Variants in MYH9 observed in about 807,000 individuals in gnomAD.
MYH9 encodes the protein myosin heavy chain 9, also known as myosin-9.
In MYH9, 29 loss-of-function variants were observed where a neutral mutation model predicts 241.9. The observed-to-expected ratio is 0.12, with a 90% CI of 0.09 to 0.16. MYH9 has a LOEUF of 0.16. MYH9 is among the 10% of genes least tolerant of loss of function. The pLI is 1.00. For missense variants in MYH9, 1,803 were observed against 2,595.5 expected, an observed-to-expected ratio of 0.69 and a Z score of 6.63; for synonymous variants, 1,047 against 1,062.6, an observed-to-expected ratio of 0.99 and a Z score of 0.29.
intron 5 of MYH9, among the ~76,000 whole-genome samples, chr22:36,325,569 G>A (rs923483791): frequency 6.6e-6 from 1 of 152,238 alleles, no homozygotes; most frequent in Non-Finnish European, 1.5e-5. Flanking sequence ...ACTCCAACGT[G>A]AGAACTCCCC....
At position 36,364,361 on chromosome 22, in the gene MYH9, G is replaced by A. The variant is rs2017977987; in HGVS notation, c.-19-15106C>T. Reference sequence around the variant, plus strand: ...ATGGGAGGTGCTGAACTAAAGTCATGGGAGAGGCTCCCATCTTCCCAAAGG... The same window carrying A: ...ATGGGAGGTGCTGAACTAAAGTCATAGGAGAGGCTCCCATCTTCCCAAAGG... On this transcript the variant is annotated intron_variant, in intron 1 of 40. Transcript: ENST00000216181. Among the ~76,000 whole-genome samples the A allele has an allele frequency of 2.0e-5, 3 of 152,270 alleles. No individual in the cohort carries two copies. The South Asian group carries it at 6.2e-4, about 32-fold the overall frequency.
At chr22:36,294,808 G>T in intron 27 of MYH9, 124 bp downstream of exon 27, 3 of 1,336,356 alleles carry the variant, frequency 2.2e-6, no homozygotes, top group Non-Finnish European at 3.2e-6. Context: ...TAGAAGGGGA[G>T]CCTGGCCTCA....
At chr22:36,284,723 G>A (rs1354562834) in intron 38 of MYH9, among the ~76,000 whole-genome samples, 2 of 152,180 alleles carry the variant, frequency 1.3e-5, no homozygotes, top group Non-Finnish European at 2.9e-5. Context: ...TCAGGTAAGG[G>A]AAGCGACACA....
Position 36,301,766 on chromosome 22 carries a change from A to G in MYH9, c.2500-101T>C, listed in dbSNP as rs924976789. Reference sequence around the variant, plus strand: ...CCTCACCTCTGGAAACATGAAAGTGAGGGGCAAGAAGACACGCTGTGGTGG... The same window carrying G: ...CCTCACCTCTGGAAACATGAAAGTGGGGGGCAAGAAGACACGCTGTGGTGG... On this transcript the variant is annotated intron_variant, in intron 20 of 40. Coordinates refer to ENST00000216181, the MANE Select transcript of MYH9 (RefSeq NM_002473.6). 7 of 1,504,094 alleles carry G rather than the reference A, an allele frequency of 4.7e-6. No individual in the cohort carries two copies. In the East Asian group the frequency reaches 1.6e-4, roughly 35 times the overall value. The allele number at this position is 1,504,094 out of a possible 1,614,324, so 93.2% of individuals were successfully genotyped here.
intron 3 of MYH9, among the ~76,000 whole-genome samples, chr22:36,340,030 G>T (rs1603483838): frequency 6.6e-6 from 1 of 152,226 alleles, no homozygotes; most frequent in East Asian, 1.9e-4. Context: ...CAGGCAGATG[G>T]AGCAGGTAGG....
At chr22:36,387,385 T>C (rs1416471512) in intron 1 of MYH9, among the ~76,000 whole-genome samples, 1 of 152,128 alleles carries the variant, frequency 6.6e-6, no homozygotes, top group African/African-American at 2.4e-5. Context: ...TCCCAACCCG[T>C]GAGGCTGCGT....
At chr22:36,351,283 T>C (rs1284043527) in intron 1 of MYH9, among the ~76,000 whole-genome samples, 5 of 152,140 alleles carry the variant, frequency 3.3e-5, no homozygotes, top group African/African-American at 1.2e-4. Flanking sequence ...TCTGTTGACA[T>C]TTCCCAACAC....
Position 36,286,709 on chromosome 22 carries a change from C to T in MYH9, c.5061+9G>A. On this transcript the variant is annotated intron_variant, in intron 35 of 40. Coordinates refer to ENST00000216181, the MANE Select transcript of MYH9 (RefSeq NM_002473.6). ...CAGCGGTGCCGCTCTCCATTGCAGC[C>T]CCACCCACCTCCTGCAACTGGATCA... 2 of 1,611,852 alleles carry T rather than the reference C, an allele frequency of 1.2e-6. No homozygotes were observed. Among genetic ancestry groups the T allele is most frequent in the Non-Finnish European group, 1.7e-6 (2 of 1,180,028 alleles).
At position 36,283,886 on chromosome 22, in the gene MYH9, C is replaced by G. The variant is rs535468570; in HGVS notation, c.5765+207G>C. Among the ~76,000 whole-genome samples the G allele has an allele frequency of 3.7e-4, 56 of 152,356 alleles. 1 individual carries two copies. The highest frequency in any genetic ancestry group is 7.9e-4 in the Non-Finnish European group (54 of 68,038). ...TTCAAAAGACAATAGACTTTTAGGA[C>G]AGCTGGGAATAAACTACCTAGAGTT... On this transcript the variant is annotated intron_variant, in intron 40 of 40. Coordinates refer to ENST00000216181, the MANE Select transcript of MYH9 (RefSeq NM_002473.6).
intron 1 of MYH9, among the ~76,000 whole-genome samples, chr22:36,365,404 C>T (rs1360158323): frequency 6.6e-6 from 1 of 152,200 alleles, no homozygotes; most frequent in Non-Finnish European, 1.5e-5. Flanking sequence ...TCAGGGCTGC[C>T]AGAGGCGCCA....
At chr22:36,303,796 A>G (rs918472669) in intron 19 of MYH9, among the ~76,000 whole-genome samples, 199 bp downstream of exon 19, 3 of 149,196 alleles carry the variant, frequency 2.0e-5, no homozygotes, top group African/African-American at 5.1e-5. Flanking sequence ...AAAAAAAAAA[A>G]AAAAAAAGAA....
chr22:36,288,042 G>A lies in MYH9; in HGVS notation c.4932+210C>T, dbSNP rs568348951. Among the ~76,000 whole-genome samples the A allele has an allele frequency of 1.3e-4, 20 of 152,322 alleles. No homozygotes were observed. In the South Asian group the frequency reaches 2.1e-3, roughly 16 times the overall value. The stretch of plus-strand genomic sequence containing the variant: ...TGTTTTATGTACCCAGTCATACACC[G>A]TTTTGCAAGTTTGCTGTTGGACTAT... On this transcript the variant is annotated intron_variant, in intron 34 of 40. Transcript: ENST00000216181. The surrounding 1 kb of genome is among the most constrained non-coding windows in gnomAD (Gnocchi z 4.8).
intron 1 of MYH9, among the ~76,000 whole-genome samples, chr22:36,358,125 C>A (rs1463521359): frequency 6.6e-6 from 1 of 152,184 alleles, no homozygotes; most frequent in Admixed American, 6.5e-5. Context: ...AATGCAGTGG[C>A]GTGATCTTGG....
intron 18 of MYH9, 152 bp downstream of exon 18, chr22:36,304,881 G>C: frequency 1.3e-6 from 1 of 767,452 alleles, no homozygotes; most frequent in South Asian, 1.5e-5. Context: ...TACTGCAAAG[G>C]GCGCCCGGCA....
chr22:36,283,394 G>A (rs570736526), intron 40 of MYH9, among the ~76,000 whole-genome samples: 62 of 151,878 alleles, frequency 4.1e-4, no homozygotes, highest in African/African-American at 1.4e-3. Flanking sequence ...AAAATTAGCC[G>A]GGCATAGTGG....
intron 3 of MYH9, among the ~76,000 whole-genome samples, chr22:36,335,826 G>A (rs1260741115): frequency 3.3e-5 from 5 of 152,216 alleles, no homozygotes; most frequent in African/African-American, 4.8e-5. Flanking sequence ...CTGGCTCTCT[G>A]CGGGCTTTTC....
intron 2 of MYH9, among the ~76,000 whole-genome samples, chr22:36,347,524 GGAGTTC>G (rs1250229223): frequency 4.6e-5 from 7 of 151,778 alleles, no homozygotes; most frequent in Non-Finnish European, 2.9e-5. Context: ...CTTGTGCTCA[GGAGTTC>G]GAGACCAGCC....
intron 1 of MYH9, among the ~76,000 whole-genome samples, chr22:36,359,082 A>G (rs1316975303): frequency 6.6e-6 from 1 of 152,200 alleles, no homozygotes; most frequent in Non-Finnish European, 1.5e-5. Context: ...TCAAAGCTCA[A>G]ACGCTCCCTT....
In MYH9 at chr22:36,295,181, TC is replaced by T; in HGVS notation, c.3486-106del. 1 of 1,510,214 alleles carries T rather than the reference TC, an allele frequency of 6.6e-7. No homozygotes were observed. The highest frequency in any genetic ancestry group is 9.1e-7 in the Non-Finnish European group (1 of 1,092,910). 93.6% of individuals were successfully genotyped at this position (1,510,214 alleles called of 1,614,324 possible). On this transcript the variant is annotated intron_variant, in intron 26 of 40. Coordinates refer to ENST00000216181, the MANE Select transcript of MYH9 (RefSeq NM_002473.6). This position sits in a 1 kb window ranked among gnomAD's most constrained non-coding sequence, Gnocchi z 4.1. ...AGAGGCCTGGCCAGGGCACAGGCACTCCAGGCAGCTTTTCTACCCACCGGCC... is the reference window on the plus strand; with the variant it reads ...AGAGGCCTGGCCAGGGCACAGGCACTCAGGCAGCTTTTCTACCCACCGGCC...
Sources: gnomAD v4.1 joint callset for allele counts (sites outside exome capture counted in the v4.1 genomes callset) on GRCh38, gnomAD v4.1.1 for gene constraint, Gnocchi (gnomAD v3.1) non-coding constraint, MANE v1.5 for transcripts, NCBI Gene and HGNC (gene_info 2026-07-23, HGNC 2026-07-21) for gene names.